PRDM6: variants seen among roughly 807,000 people sequenced by gnomAD.
PRDM6 encodes putative histone-lysine N-methyltransferase PRDM6.
PRDM6 carries 25 observed loss-of-function variants against 60.8 expected under a neutral mutation model. The observed-to-expected ratio is 0.41, with a 90% CI of 0.30 to 0.57. The LOEUF is 0.57. PRDM6 is among the 20% of genes least tolerant of loss of function. The pLI, the probability that PRDM6 is intolerant of heterozygous loss-of-function variation, is 0.27. For missense variants in PRDM6, 839 were observed against 821.3 expected (o/e 1.02, Z -0.26); for synonymous variants, 407 against 357.4 (o/e 1.14, Z -1.57).
chr5:123,116,385 A>T (rs1302857796), intron 3 of PRDM6, among the ~76,000 whole-genome samples: 1 of 152,238 alleles, frequency 6.6e-6, no homozygotes, highest in African/African-American at 2.4e-5. Flanking sequence ...ACTCATTATT[A>T]GGAGCTTTGC....
chr5:123,188,271 T>C lies in PRDM6; in HGVS notation c.*1070T>C, dbSNP rs1042816911. 6.6e-6 allele frequency: 1 copy of C among 152,126 alleles called. No homozygotes were observed. Among genetic ancestry groups the C allele is most frequent in the African/African-American group, 2.4e-5 (1 of 41,394 alleles). The allele number at this position is 152,126 out of a possible 1,614,324, so 9.4% of individuals were successfully genotyped here. ...GAAAATAGCCCAGACAAGGAGACTT[T>C]GAGAGGAGGAACCATGGAGAAGGTT... is the stretch of plus-strand genomic sequence containing the variant. On this transcript the variant is annotated 3_prime_UTR_variant, in exon 8 of 8. Coordinates refer to ENST00000407847, the MANE Select transcript of PRDM6 (RefSeq NM_001136239.4).
chr5:123,159,102 T>C (rs1353835885), intron 4 of PRDM6, among the ~76,000 whole-genome samples: 1 of 152,188 alleles, frequency 6.6e-6, no homozygotes, highest in East Asian at 1.9e-4. Context: ...CAATGCCAAG[T>C]TGCAATAATA....
intron 5 of PRDM6, among the ~76,000 whole-genome samples, chr5:123,160,441 A>G (rs1765601705): frequency 6.6e-6 from 1 of 152,250 alleles, no homozygotes; most frequent in South Asian, 2.1e-4. Flanking sequence ...TTGTCACCAC[A>G]TTGACTAATT....
At chr5:123,112,520 C>T (rs914545036) in intron 3 of PRDM6, among the ~76,000 whole-genome samples, 2 of 152,154 alleles carry the variant, frequency 1.3e-5, no homozygotes, top group Non-Finnish European at 2.9e-5. Flanking sequence ...TTCTCACACC[C>T]GGAGAGCTCA....
intron 3 of PRDM6, among the ~76,000 whole-genome samples, chr5:123,108,193 C>T (rs1764237593): frequency 6.6e-6 from 1 of 152,080 alleles, no homozygotes; most frequent in African/African-American, 2.4e-5. Context: ...TCTCTGTGGT[C>T]ATTTTAAATT....
intron 3 of PRDM6, among the ~76,000 whole-genome samples, 166 bp from the exon 4 acceptor site, chr5:123,155,718 A>G (rs77948231): frequency 0.012 from 1,889 of 152,344 alleles, 48 homozygotes; most frequent in African/African-American, 0.043. Flanking sequence ...TCATCAAAAC[A>G]TATTTTCCTG....
chr5:123,126,483 G>A (rs1163535399), intron 3 of PRDM6, among the ~76,000 whole-genome samples: 2 of 152,032 alleles, frequency 1.3e-5, no homozygotes, highest in South Asian at 4.2e-4. Context: ...TACTATTTGG[G>A]ATGAGTCTTT....
chr5:123,120,987 C>A (rs1226119579), intron 3 of PRDM6, among the ~76,000 whole-genome samples: 1 of 151,938 alleles, frequency 6.6e-6, no homozygotes, highest in East Asian at 1.9e-4. Flanking sequence ...GACCTTTTTC[C>A]TTATGTTTGG....
intron 3 of PRDM6, among the ~76,000 whole-genome samples, chr5:123,108,702 A>G (rs1271367553): frequency 1.3e-5 from 2 of 152,160 alleles, no homozygotes; most frequent in Non-Finnish European, 2.9e-5. Flanking sequence ...TAATTTTTAT[A>G]TTACAAATAA....
chr5:123,150,261 T>C (rs335151), intron 3 of PRDM6, among the ~76,000 whole-genome samples: 109,266 of 151,952 alleles, frequency 0.72, 39,428 homozygotes, highest in Non-Finnish European at 0.75. Context: ...AATCACGTCA[T>C]CACAATTGTA....
chr5:123,142,598 A>G (rs969343099), intron 3 of PRDM6, among the ~76,000 whole-genome samples: 2 of 152,154 alleles, frequency 1.3e-5, no homozygotes, highest in African/African-American at 4.8e-5. Flanking sequence ...CAAAGCTGAC[A>G]GGGAATGCTT....
intron 7 of PRDM6, among the ~76,000 whole-genome samples, chr5:123,182,084 A>G (rs1766177980): frequency 6.6e-6 from 1 of 152,218 alleles, no homozygotes; most frequent in South Asian, 2.1e-4. Context: ...TCAAGTCTGT[A>G]CTATGCCACC....
At chr5:123,138,864 G>A (rs890427099) in intron 3 of PRDM6, among the ~76,000 whole-genome samples, 3 of 152,274 alleles carry the variant, frequency 2.0e-5, no homozygotes, top group South Asian at 2.1e-4. Context: ...TGCGCCTTCC[G>A]TTTAAAGTAC....
chr5:123,182,113 G>A (rs1766179150), intron 7 of PRDM6, among the ~76,000 whole-genome samples: 1 of 152,230 alleles, frequency 6.6e-6, no homozygotes, highest in Non-Finnish European at 1.5e-5. Flanking sequence ...GCCGCCTGAG[G>A]CTGCAATAGC....
At position 123,191,407 on chromosome 5, in the gene PRDM6, C is replaced by T. The variant is rs192643821; in HGVS notation, c.*4206C>T. On this transcript the variant is annotated 3_prime_UTR_variant, in exon 8 of 8. Coordinates refer to ENST00000407847, the MANE Select transcript of PRDM6 (RefSeq NM_001136239.4). The stretch of plus-strand genomic sequence containing the variant: ...CCTGCGTTTAGGAGCAAATTCATTG[C>T]TCTCATATTAAGGCTATGCATGCCT... 6.6e-6 allele frequency: 1 copy of T among 152,044 alleles called. No individual in the cohort carries two copies. Among genetic ancestry groups the T allele is most frequent in the African/African-American group, 2.4e-5 (1 of 41,390 alleles). 9.4% of individuals were successfully genotyped at this position (152,044 alleles called of 1,614,324 possible).
intron 3 of PRDM6, among the ~76,000 whole-genome samples, chr5:123,116,936 T>C (rs1764462919): frequency 6.6e-6 from 1 of 152,238 alleles, no homozygotes; most frequent in Non-Finnish European, 1.5e-5. Context: ...ATAATAACTC[T>C]GTCTCCCAGC....
intron 3 of PRDM6, among the ~76,000 whole-genome samples, chr5:123,151,165 C>T (rs1456786681): frequency 6.6e-6 from 1 of 152,114 alleles, no homozygotes; most frequent in African/African-American, 2.4e-5. Flanking sequence ...AAACTGGAGG[C>T]TGGCACTTCA....
At position 123,099,801 on chromosome 5, in the gene PRDM6, AG is replaced by A; in HGVS notation, c.742del (p.Val248CysfsTer45). The A allele has an allele frequency of 6.5e-7, 1 of 1,549,176 alleles. No individual in the cohort carries two copies. Among genetic ancestry groups the A allele is most frequent in the Non-Finnish European group, 8.7e-7 (1 of 1,146,180 alleles). ...GAGTGGCTGCGGGACCTGCCTCGCG[AG>A]GTGTGCCTCTGCACCAGTACTGTGC... Reference protein sequence around the residue: ...LPEWLRDLPREVCLCTSTVPG... With the variant: ...LPEWLRDLPRXVCLCTSTVPG... On this transcript the variant is annotated frameshift_variant, in exon 3 of 8. Transcript: ENST00000407847. LOFTEE classifies it high-confidence loss of function. The surrounding 1 kb of genome is among the most constrained non-coding windows in gnomAD (Gnocchi z 4.0).
chr5:123,089,983 C>G lies in PRDM6; in HGVS notation c.-15-17C>G. 1.3e-6 allele frequency: 2 copies of G among 1,526,400 alleles called. No homozygotes were observed. The highest frequency in any genetic ancestry group is 1.2e-5 in the South Asian group (1 of 83,458). 94.6% of individuals were successfully genotyped at this position (1,526,400 alleles called of 1,614,324 possible). On this transcript the variant is annotated splice_polypyrimidine_tract_variant and intron_variant, in intron 1 of 7. Coordinates refer to ENST00000407847, the MANE Select transcript of PRDM6 (RefSeq NM_001136239.4). Reference sequence around the variant, plus strand: ...GCCCAGCTCACGCGCCCCCTCTTCCCTGCCCTCTGCCCCCAGTTCGAGGCG... The same window carrying G: ...GCCCAGCTCACGCGCCCCCTCTTCCGTGCCCTCTGCCCCCAGTTCGAGGCG...
Sources: gnomAD v4.1 joint callset for allele counts (sites outside exome capture counted in the v4.1 genomes callset) on GRCh38, gnomAD v4.1.1 for gene constraint, Gnocchi (gnomAD v3.1) non-coding constraint, MANE v1.5 for transcripts, NCBI Gene and HGNC (gene_info 2026-07-23, HGNC 2026-07-21) for gene names.